The following STK10 variants were observed in gnomAD, a reference collection of about 807,000 sequenced individuals.
The protein encoded by STK10 is serine/threonine kinase 10.
STK10 carries 78 observed loss-of-function variants against 113.8 expected under a neutral mutation model. The observed-to-expected ratio is 0.69, with a 90% CI of 0.57 to 0.83. The LOEUF is 0.83. STK10 is among the 40% of genes least tolerant of loss of function. The probability of loss-of-function intolerance (pLI) is 0.00; values close to 1 mark genes in which losing one functional copy is unlikely to be tolerated. For missense variants in STK10, 1,109 were observed against 1,280.1 expected, an observed-to-expected ratio of 0.87 and a Z score of 2.04; for synonymous variants, 465 against 494.7, an observed-to-expected ratio of 0.94 and a Z score of 0.80.
At chr5:172,112,416 C>CTTTTT (rs1159424183) in intron 4 of STK10, among the ~76,000 whole-genome samples, 117 of 103,008 alleles carry the variant, frequency 1.1e-3, no homozygotes, top group East Asian at 1.8e-3. Flanking sequence ...AGGGACCTTA[C>CTTTTT]TTTTTTTTTT....
At chr5:172,098,057 A>G (rs1768898489) in intron 7 of STK10, among the ~76,000 whole-genome samples, 1 of 152,190 alleles carries the variant, frequency 6.6e-6, no homozygotes, top group African/African-American at 2.4e-5. Flanking sequence ...TACAATATAC[A>G]GGAAGGCTCT....
Position 172,142,691 on chromosome 5 carries a change from G to C in STK10, c.321+13933C>G, listed in dbSNP as rs548372882. ...ATGTCAGAACAAAAGACATTGCCTG[G>C]TACATAGTAAGTCAATGCTTGATAA... On this transcript the variant is annotated intron_variant, in intron 2 of 18. Coordinates refer to ENST00000176763, the MANE Select transcript of STK10 (RefSeq NM_005990.4). 4.7e-4 allele frequency among the ~76,000 whole-genome samples: 72 copies of C among 152,330 alleles called. 1 individual carries two copies. The highest frequency in any genetic ancestry group is 2.1e-3 in the South Asian group (10 of 4,830).
At chr5:172,113,224 G>T (rs1218337942) in intron 4 of STK10, among the ~76,000 whole-genome samples, 2 of 152,118 alleles carry the variant, frequency 1.3e-5, no homozygotes, top group African/African-American at 4.8e-5. Flanking sequence ...TGCACTGGGG[G>T]GGGTGTCAAC....
At chr5:172,072,668 TAA>T (rs1241328570) in intron 12 of STK10, among the ~76,000 whole-genome samples, 4 of 152,226 alleles carry the variant, frequency 2.6e-5, no homozygotes, top group Non-Finnish European at 5.9e-5. Context: ...GCATCATACT[TAA>T]TGATGAGATA....
intron 16 of STK10, 58 bp from the exon 17 acceptor site, chr5:172,054,752 G>A: frequency 6.3e-7 from 1 of 1,599,028 alleles, no homozygotes. Context: ...GTTGGGTAGG[G>A]AGCCCCACTC....
At chr5:172,056,993 A>AAGAAAGAAAGAGAGAGAGAG (rs1561790200) in intron 15 of STK10, 1 of 51,976 alleles carries the variant, frequency 1.9e-5, no homozygotes, top group African/African-American at 7.6e-5. Flanking sequence ...GAAAGAAAGA[A>AAGAAAGAAAGAGAGAGAGAG]AGAGAAAGAA....
At chr5:172,184,058 C>G (rs1052892292) in intron 1 of STK10, among the ~76,000 whole-genome samples, 1 of 152,124 alleles carries the variant, frequency 6.6e-6, no homozygotes, top group Non-Finnish European at 1.5e-5. Flanking sequence ...AGGAAGCCTT[C>G]GACACTTAGG....
chr5:172,057,050 A>AAAGAAAGAAAGAAAG, intron 15 of STK10: 1 of 217,874 alleles, frequency 4.6e-6, no homozygotes, highest in Non-Finnish European at 9.0e-6. Context: ...AGAAAGAAAG[A>AAAGAAAGAAAGAAAG]AAAGAAGAAA....
intron 15 of STK10, chr5:172,057,035 AAG>A (rs1324706355): frequency 2.1e-5 from 4 of 191,516 alleles, no homozygotes; most frequent in African/African-American, 9.5e-5. Flanking sequence ...GAAAGAAAGA[AAG>A]AAAGAAAGAA....
At chr5:172,087,598 A>AT (rs1242163470) in intron 10 of STK10, among the ~76,000 whole-genome samples, 1 of 140,374 alleles carries the variant, frequency 7.1e-6, no homozygotes, top group Non-Finnish European at 1.5e-5. Context: ...TTTACAATTT[A>AT]TTTTTTAAAT....
chr5:172,172,248 A>G (rs1398330551), intron 1 of STK10, among the ~76,000 whole-genome samples: 1 of 152,132 alleles, frequency 6.6e-6, no homozygotes, highest in East Asian at 1.9e-4. Context: ...CTCTTCCCCA[A>G]CGTCATCTCC....
chr5:172,080,344 T>C (rs79827924), intron 12 of STK10, among the ~76,000 whole-genome samples: 3,422 of 152,256 alleles, frequency 0.022, 152 homozygotes, highest in African/African-American at 0.077. Flanking sequence ...GGCCTCTAAG[T>C]GTTCACGTGA....
chr5:172,105,071 T>C (rs1277618593), intron 7 of STK10, among the ~76,000 whole-genome samples: 1 of 151,978 alleles, frequency 6.6e-6, no homozygotes, highest in East Asian at 1.9e-4. Context: ...AGGCCAGGTG[T>C]TCTCCTAGGG....
intron 1 of STK10, among the ~76,000 whole-genome samples, chr5:172,175,652 G>A (rs960612273): frequency 3.9e-5 from 6 of 152,026 alleles, no homozygotes; most frequent in Admixed American, 1.3e-4. Flanking sequence ...GCTGAGGCAC[G>A]CTTGCAAAGA....
At chr5:172,151,863 G>A (rs993180868) in intron 2 of STK10, among the ~76,000 whole-genome samples, 6 of 152,168 alleles carry the variant, frequency 3.9e-5, no homozygotes, top group Non-Finnish European at 7.3e-5. Context: ...TTACTCTGCC[G>A]CTCTCCCTCC....
chr5:172,095,394 G>A (rs898440995), intron 8 of STK10, among the ~76,000 whole-genome samples: 1 of 152,182 alleles, frequency 6.6e-6, no homozygotes, highest in Non-Finnish European at 1.5e-5. Flanking sequence ...AGGTGTGAGC[G>A]CTTTCTACCT....
At chr5:172,119,356 AAT>A (rs369093427) in intron 3 of STK10, among the ~76,000 whole-genome samples, 20 of 152,198 alleles carry the variant, frequency 1.3e-4, no homozygotes, top group African/African-American at 4.8e-4. Flanking sequence ...TTGTATTTGA[AAT>A]GCAGTGGGTA....
chr5:172,116,971 C>G (rs1236648962), intron 4 of STK10, among the ~76,000 whole-genome samples: 1 of 151,726 alleles, frequency 6.6e-6, no homozygotes. Flanking sequence ...CACTCTCATT[C>G]GAATTCTCTT....
chr5:172,154,532 A>G (rs1770306085), intron 2 of STK10, among the ~76,000 whole-genome samples: 1 of 152,122 alleles, frequency 6.6e-6, no homozygotes, highest in African/African-American at 2.4e-5. Flanking sequence ...TAGTGTCTAA[A>G]AGGCAAATCG....
Sources: gnomAD v4.1 joint callset for allele counts (sites outside exome capture counted in the v4.1 genomes callset) on GRCh38, gnomAD v4.1.1 for gene constraint, MANE v1.5 for transcripts, NCBI Gene and HGNC (gene_info 2026-07-23, HGNC 2026-07-21) for gene names.